CCAR1: variants seen among roughly 807,000 people sequenced by gnomAD.
CCAR1 encodes the protein cell division cycle and apoptosis regulator protein 1.
In CCAR1, 78 loss-of-function variants were observed where a neutral mutation model predicts 163.8. The observed-to-expected ratio is 0.48, with a 90% confidence interval of 0.40 to 0.57. The LOEUF (loss-of-function observed/expected upper bound fraction) is 0.57. Among genes scored for constraint, CCAR1 ranks in the 20% least tolerant of loss-of-function variants. The pLI is 0.00. For missense variants in CCAR1, 1,019 were observed against 1,365.2 expected (o/e 0.75, Z 4.00); for synonymous variants, 443 against 460.7 (o/e 0.96, Z 0.49).
In CCAR1 at chr10:68,771,236, A is replaced by G; in HGVS notation, c.2329A>G (p.Met777Val). 6.3e-7 allele frequency: 1 copy of G among 1,590,790 alleles called. No homozygotes were observed. ...VSLFAELFNEMLQRDFGVRIY... is the reference protein window; with the variant it reads ...VSLFAELFNEVLQRDFGVRIY... ...ATTGTTTGCGGAACTTTTCAACGAA[A>G]TGCTTCAAAGAGATTTTGGTGTCCG... The change falls in exon 18 of 25, where the codon ATG becomes GTG. Residue 777 changes from methionine to valine, a missense_variant. Met to Val is a conservative substitution (Grantham distance 21, BLOSUM62 1). Coordinates refer to ENST00000265872, the MANE Select transcript of CCAR1 (RefSeq NM_018237.4).
At position 68,770,816 on chromosome 10, in the gene CCAR1, G is replaced by A. The variant is rs144098970; in HGVS notation, c.2299-390G>A. Among the ~76,000 whole-genome samples, 602 of 152,284 alleles carry A rather than the reference G, an allele frequency of 4.0e-3. 2 individuals are homozygous for A. Among genetic ancestry groups the A allele is most frequent in the African/African-American group, 0.014 (574 of 41,564 alleles). On this transcript the variant is annotated intron_variant, in intron 17 of 24. Transcript: ENST00000265872. ...TAAGTGGCTAGGCGCGGTGGCTTAC[G>A]CCTGTAATCCCAGCACTTTGGGAGG...
At chr10:68,737,976 A>C (rs1372515049) in intron 4 of CCAR1, 87 bp downstream of exon 4, 1 of 890,582 alleles carries the variant, frequency 1.1e-6, no homozygotes, top group Non-Finnish European at 1.7e-6. Context: ...TATTTCTATC[A>C]GCTACCTTAA....
At chr10:68,748,176 C>G (rs760247989) in intron 8 of CCAR1, among the ~76,000 whole-genome samples, 6 of 152,164 alleles carry the variant, frequency 3.9e-5, no homozygotes, top group Non-Finnish European at 4.4e-5. Flanking sequence ...TATAAAAACA[C>G]TGTTTAAAAT....
intron 12 of CCAR1, chr10:68,755,075 G>A: frequency 1.6e-6 from 1 of 620,822 alleles, no homozygotes; most frequent in East Asian, 2.7e-5. Flanking sequence ...GAATATTAGT[G>A]GTAATAGGAT....
At chr10:68,763,363 A>G (rs1008420207) in intron 16 of CCAR1, among the ~76,000 whole-genome samples, 1 of 150,642 alleles carries the variant, frequency 6.6e-6, no homozygotes, top group East Asian at 2.0e-4. Flanking sequence ...GTTGGCCAGG[A>G]TGGTCTCAAT....
intron 24 of CCAR1, among the ~76,000 whole-genome samples, chr10:68,790,732 G>A (rs1375849569): frequency 6.6e-6 from 1 of 151,800 alleles, no homozygotes; most frequent in Non-Finnish European, 1.5e-5. Context: ...TTTCAGACCG[G>A]GCGCGGTGGC....
chr10:68,746,129 C>T (rs906831059), intron 6 of CCAR1, among the ~76,000 whole-genome samples: 11 of 151,750 alleles, frequency 7.2e-5, no homozygotes, highest in African/African-American at 1.9e-4. Context: ...CCTGCCACCA[C>T]GCCTGGCTAA....
intron 1 of CCAR1, 77 bp downstream of exon 1, chr10:68,721,359 G>A (rs2055852150): frequency 3.7e-6 from 1 of 268,592 alleles, no homozygotes; most frequent in African/African-American, 2.4e-5. Context: ...ATCTGTGGAA[G>A]GGCCGGGAGC....
intron 2 of CCAR1, among the ~76,000 whole-genome samples, chr10:68,729,559 G>A (rs1020590374): frequency 4.6e-5 from 7 of 151,824 alleles, no homozygotes; most frequent in African/African-American, 1.2e-4. Context: ...GTGAGCCACC[G>A]CGCCCGGCTC....
intron 6 of CCAR1, among the ~76,000 whole-genome samples, chr10:68,745,594 G>C (rs1327869392): frequency 6.6e-6 from 1 of 151,760 alleles, no homozygotes; most frequent in Non-Finnish European, 1.5e-5. Context: ...CTCCTGAGTA[G>C]CTGGGATTAC....
chr10:68,749,810 C>A, intron 10 of CCAR1, 125 bp downstream of exon 10: 2 of 765,686 alleles, frequency 2.6e-6, no homozygotes, highest in Non-Finnish European at 4.2e-6. Context: ...CATATAAGGG[C>A]AGAAATGCAA....
In CCAR1 at chr10:68,742,489, G is replaced by A; in HGVS notation, c.438G>A (p.Lys146=). 6.2e-7 allele frequency: 1 copy of A among 1,614,130 alleles called. No homozygotes were observed. Among genetic ancestry groups the A allele is most frequent in the South Asian group, 1.1e-5 (1 of 91,086 alleles). ...RSSQQQTQPQ[K]QRVFTGVVTK... is the part of the protein sequence containing the mutation. The stretch of plus-strand genomic sequence containing the variant: ...GTCAACAGCAAACCCAGCCTCAGAA[G>A]CAGCGTGTTTTCACAGGGGTGGTTA... Residue 146 remains lysine (K), a synonymous_variant, in exon 6 of 25, where the codon AAG becomes AAA. Coordinates refer to ENST00000265872, the MANE Select transcript of CCAR1 (RefSeq NM_018237.4).
At chr10:68,721,604 G>C (rs1196292936) in intron 1 of CCAR1, 1 of 446,584 alleles carries the variant, frequency 2.2e-6, no homozygotes, top group South Asian at 1.6e-5. Flanking sequence ...CTGGCCCCCC[G>C]GCCCGGGACA....
At position 68,780,492 on chromosome 10, in the gene CCAR1, C is replaced by T. The variant is rs571525183; in HGVS notation, c.2651-5644C>T. Among the ~76,000 whole-genome samples, 4 of 152,332 alleles carry T rather than the reference C, an allele frequency of 2.6e-5. No homozygotes were observed. In the East Asian group the frequency reaches 7.7e-4, roughly 29 times the overall value. Reference sequence around the variant, plus strand: ...ACAGGTATGAACCACCACACCCAGCCATTAGAACATTTGCTTAATTTTTTA... The same window carrying T: ...ACAGGTATGAACCACCACACCCAGCTATTAGAACATTTGCTTAATTTTTTA... On this transcript the variant is annotated intron_variant, in intron 19 of 24. Coordinates refer to ENST00000265872, the MANE Select transcript of CCAR1 (RefSeq NM_018237.4).
At chr10:68,766,911 C>T (rs1015113544) in intron 17 of CCAR1, among the ~76,000 whole-genome samples, 1 of 152,114 alleles carries the variant, frequency 6.6e-6, no homozygotes, top group Non-Finnish European at 1.5e-5. Context: ...GATGATTTGT[C>T]CTCTAACTTT....
At chr10:68,753,108 A>G (rs2133359742) in intron 10 of CCAR1, among the ~76,000 whole-genome samples, 1 of 152,338 alleles carries the variant, frequency 6.6e-6, no homozygotes, top group African/African-American at 2.4e-5. Flanking sequence ...TTGTCTTTTC[A>G]TCTTACATTA....
At chr10:68,725,740 A>G (rs1277202153) in intron 2 of CCAR1, among the ~76,000 whole-genome samples, 1 of 152,252 alleles carries the variant, frequency 6.6e-6, no homozygotes, top group African/African-American at 2.4e-5. Context: ...TTCGAGGTCA[A>G]TTTCGGAGAC....
chr10:68,772,633 C>T (rs1301063180), intron 18 of CCAR1, among the ~76,000 whole-genome samples: 1 of 151,948 alleles, frequency 6.6e-6, no homozygotes, highest in African/African-American at 2.4e-5. Flanking sequence ...TGGCTCACAC[C>T]TGTAATCCCA....
At chr10:68,786,436 A>C in intron 20 of CCAR1, 110 bp from the exon 21 acceptor site, 1 of 807,386 alleles carries the variant, frequency 1.2e-6, no homozygotes, top group Non-Finnish European at 1.9e-6. Flanking sequence ...GGATGAGGCA[A>C]ATATCTTATT....
Sources: allele counts gnomAD v4.1 joint callset (sites outside exome capture counted in the v4.1 genomes callset), GRCh38; gene constraint gnomAD v4.1.1; transcripts MANE v1.5; gene names NCBI Gene and HGNC (gene_info 2026-07-23, HGNC 2026-07-21).